The following RIT2 variants were observed in gnomAD, a reference collection of about 807,000 sequenced individuals.
RIT2 encodes the protein Ras like without CAAX 2, also known as GTP-binding protein Rit2.
RIT2 carries 24 observed loss-of-function variants against 23.7 expected under a neutral mutation model. The observed-to-expected ratio is 1.01, with a 90% CI of 0.73 to 1.43. The LOEUF (loss-of-function observed/expected upper bound fraction) is 1.43, where lower values mean the gene tolerates loss of function less well. Among genes scored for constraint, RIT2 ranks in the 40% most tolerant of loss-of-function variants. The pLI is 0.00. For synonymous variants in RIT2, 107 were observed against 91.1 expected (o/e 1.17, Z -0.99); for missense variants, 236 against 266.9 (o/e 0.88, Z 0.81).
chr18:43,019,890 T>A (rs1279730893), intron 2 of RIT2, among the ~76,000 whole-genome samples: 1 of 151,554 alleles, frequency 6.6e-6, no homozygotes, highest in Non-Finnish European at 1.5e-5. Context: ...TATACACCAA[T>A]AATGAACTAG....
intron 4 of RIT2, among the ~76,000 whole-genome samples, chr18:42,856,407 A>G (rs1415524114): frequency 1.3e-5 from 2 of 152,174 alleles, no homozygotes; most frequent in Non-Finnish European, 2.9e-5. Context: ...CTGTACAGCT[A>G]TCTATACTTT....
chr18:42,834,812 T>G (rs771242748), intron 4 of RIT2, among the ~76,000 whole-genome samples: 12 of 152,168 alleles, frequency 7.9e-5, no homozygotes, highest in Non-Finnish European at 1.8e-4. Flanking sequence ...CACTTAAATA[T>G]GTACCTACAA....
intron 4 of RIT2, among the ~76,000 whole-genome samples, chr18:42,858,078 G>T (rs891123964): frequency 6.6e-6 from 1 of 152,168 alleles, no homozygotes; most frequent in African/African-American, 2.4e-5. Flanking sequence ...CTACTCAGGA[G>T]ACTGAGGCAG....
At chr18:43,089,297 C>G (rs1913362487) in intron 1 of RIT2, among the ~76,000 whole-genome samples, 1 of 151,716 alleles carries the variant, frequency 6.6e-6, no homozygotes. Context: ...AAGCCGAGAG[C>G]CAAATCAGTA....
Position 42,805,855 on chromosome 18 carries a change from G to A in RIT2, c.427-62135C>T, listed in dbSNP as rs891272209. Among the ~76,000 whole-genome samples, 10 of 152,032 alleles carry A rather than the reference G, an allele frequency of 6.6e-5. No individual in the cohort carries two copies. In the South Asian group the frequency reaches 2.1e-3, roughly 32 times the overall value. ...CTCATGCTTTCCTTTCAATGGACAG[G>A]CTAGCTTTAATACAATTTTGAGAAA... On this transcript the variant is annotated intron_variant, in intron 4 of 4. Transcript: ENST00000326695.
rs77240721 is a variant in RIT2, at chr18:42,774,927, G to A, written c.427-31207C>T. Among the ~76,000 whole-genome samples, 121 of 152,234 alleles carry A rather than the reference G, an allele frequency of 7.9e-4. 2 individuals carry two copies. In the East Asian group the frequency reaches 0.023, roughly 29 times the overall value. On this transcript the variant is annotated intron_variant, in intron 4 of 4. Coordinates refer to ENST00000326695, the MANE Select transcript of RIT2 (RefSeq NM_002930.4). ...ACAACAGTATGATTGCAGAGATTGAGACTTAAAATTGTATTATGCTTTTGA... is the reference window on the plus strand; with the variant it reads ...ACAACAGTATGATTGCAGAGATTGAAACTTAAAATTGTATTATGCTTTTGA...
chr18:42,983,415 A>C (rs1022263542), intron 2 of RIT2, among the ~76,000 whole-genome samples: 1 of 152,086 alleles, frequency 6.6e-6, no homozygotes, highest in Non-Finnish European at 1.5e-5. Flanking sequence ...TTAGAAAAAA[A>C]AAATGAGAAA....
At chr18:42,842,745 C>T (rs1906801634) in intron 4 of RIT2, among the ~76,000 whole-genome samples, 1 of 152,050 alleles carries the variant, frequency 6.6e-6, no homozygotes. Flanking sequence ...CATACCTGAC[C>T]TCATATAATG....
At chr18:43,021,921 G>A (rs1360470862) in intron 2 of RIT2, among the ~76,000 whole-genome samples, 1 of 152,026 alleles carries the variant, frequency 6.6e-6, no homozygotes, top group Admixed American at 6.6e-5. Flanking sequence ...ACTAAAAGTA[G>A]AACGATCATA....
intron 4 of RIT2, among the ~76,000 whole-genome samples, chr18:42,917,991 CAT>C (rs1255481850): frequency 2.6e-5 from 4 of 152,150 alleles, no homozygotes; most frequent in East Asian, 1.9e-4. Context: ...ACTGTGTACA[CAT>C]GTGTGTATGT....
At chr18:43,075,598 A>T (rs1326462396) in intron 1 of RIT2, among the ~76,000 whole-genome samples, 1 of 152,216 alleles carries the variant, frequency 6.6e-6, no homozygotes, top group East Asian at 1.9e-4. Context: ...AATTTAAAGT[A>T]TGAAGTTCCT....
chr18:43,031,830 GA>G (rs1053059821), intron 2 of RIT2, among the ~76,000 whole-genome samples: 1 of 151,962 alleles, frequency 6.6e-6, no homozygotes, highest in African/African-American at 2.4e-5. Flanking sequence ...TCTCAATTGT[GA>G]AAAAAGTATC....
intron 2 of RIT2, among the ~76,000 whole-genome samples, chr18:42,974,384 G>A (rs975022306): frequency 3.9e-5 from 6 of 151,906 alleles, no homozygotes; most frequent in Admixed American, 6.6e-5. Context: ...GATCTGAGGC[G>A]CCCTAGTGAT....
At chr18:43,027,548 G>A (rs893539673) in intron 2 of RIT2, among the ~76,000 whole-genome samples, 4 of 152,008 alleles carry the variant, frequency 2.6e-5, no homozygotes, top group African/African-American at 9.7e-5. Context: ...GGTAGCTTTA[G>A]AAGTATCTTC....
At chr18:42,766,743 C>A (rs948865200) in intron 4 of RIT2, among the ~76,000 whole-genome samples, 5 of 152,130 alleles carry the variant, frequency 3.3e-5, no homozygotes, top group African/African-American at 9.7e-5. Flanking sequence ...CCTGGAGGCC[C>A]AGGAGGAAAA....
At chr18:42,838,022 T>G (rs1248844170) in intron 4 of RIT2, among the ~76,000 whole-genome samples, 2 of 152,170 alleles carry the variant, frequency 1.3e-5, no homozygotes, top group African/African-American at 2.4e-5. Context: ...TATAAAAACC[T>G]GACCAGCTCA....
intron 1 of RIT2, among the ~76,000 whole-genome samples, chr18:43,089,896 G>C (rs1395674196): frequency 1.3e-5 from 2 of 151,914 alleles, no homozygotes; most frequent in Non-Finnish European, 2.9e-5. Context: ...AAATCAAGAT[G>C]GAATAAAGAT....
chr18:42,756,803 T>C (rs2143892558), intron 4 of RIT2, among the ~76,000 whole-genome samples: 1 of 152,252 alleles, frequency 6.6e-6, no homozygotes, highest in South Asian at 2.1e-4. Flanking sequence ...AAATTTTCCA[T>C]TTTAACATGG....
intron 1 of RIT2, among the ~76,000 whole-genome samples, chr18:43,040,256 T>C (rs1467243987): frequency 1.3e-5 from 2 of 152,072 alleles, no homozygotes; most frequent in Non-Finnish European, 2.9e-5. Context: ...CATGTGTGAG[T>C]GTGGGTAGTG....
Sources: allele counts gnomAD v4.1 joint callset (sites outside exome capture counted in the v4.1 genomes callset), GRCh38; gene constraint gnomAD v4.1.1; transcripts MANE v1.5; gene names NCBI Gene and HGNC (gene_info 2026-07-23, HGNC 2026-07-21).